The following BRIP1 variants were observed in gnomAD, a reference collection of about 807,000 sequenced individuals.
The protein encoded by BRIP1 is BRCA1 interacting DNA helicase 1.
Under a neutral mutation model 119.7 loss-of-function variants are expected in BRIP1, and 88 were observed. The ratio of observed to expected loss-of-function variants is 0.74; its 90% CI spans 0.62 to 0.88. BRIP1 has a LOEUF of 0.88. BRIP1 is among the 40% of genes least tolerant of loss of function. The pLI is 0.00. For synonymous variants in BRIP1, 443 were observed against 496.5 expected, an observed-to-expected ratio of 0.89 and a Z score of 1.43; for missense variants, 1,259 against 1,455.4, an observed-to-expected ratio of 0.87 and a Z score of 2.20.
In BRIP1 at chr17:61,822,449, G is replaced by A. The variant is rs1603352008; in HGVS notation, c.628-13692C>T. 6.6e-6 allele frequency among the ~76,000 whole-genome samples: 1 copy of A among 152,090 alleles called. No homozygotes were observed. Among genetic ancestry groups the A allele is most frequent in the East Asian group, 1.9e-4 (1 of 5,194 alleles). On this transcript the variant is annotated intron_variant, in intron 6 of 19. Transcript: ENST00000259008. This position sits in a 1 kb window ranked among gnomAD's most constrained non-coding sequence, Gnocchi z 4.4. ...TTGTCGTACTAATAGATCCAGTTAT[G>A]TGCCCTCTGGGAAAAATGCACCAAA...
intron 10 of BRIP1, among the ~76,000 whole-genome samples, chr17:61,788,528 G>A (rs888246906): frequency 2.6e-5 from 4 of 152,048 alleles, no homozygotes; most frequent in Non-Finnish European, 4.4e-5. Context: ...AATTCCAAAG[G>A]AAAATAATAA....
At position 61,783,780 on chromosome 17, in the gene BRIP1, T is replaced by C. The variant is rs961481639; in HGVS notation, c.1628+490A>G. ...TTAATGATTTCAATATTCATTAATATAAAAGACTAATTTTGGCCAGGCATG... is the reference window on the plus strand; with the variant it reads ...TTAATGATTTCAATATTCATTAATACAAAAGACTAATTTTGGCCAGGCATG... On this transcript the variant is annotated intron_variant, in intron 11 of 19. Transcript: ENST00000259008. 9.2e-5 allele frequency: 14 copies of C among 152,142 alleles called. 1 individual carries two copies. Among genetic ancestry groups the C allele is most frequent in the African/African-American group, 3.4e-4 (14 of 41,520 alleles). 9.4% of individuals were successfully genotyped at this position (152,142 alleles called of 1,614,324 possible). A position where few individuals can be genotyped will look rare whatever the true frequency, so the allele number is the denominator to read the frequency against.
rs976575700 is a variant in BRIP1, at chr17:61,730,516, AC to A, written c.2379+12496del. ...TACAAGTCCTCAGGGTGATAATTTC[AC>A]TTTTAAATCCTCCAACCTAGTTTGA... is the stretch of plus-strand genomic sequence containing the variant. On this transcript the variant is annotated intron_variant, in intron 16 of 19. Transcript: ENST00000259008. The surrounding 1 kb of genome is among the most constrained non-coding windows in gnomAD (Gnocchi z 4.3). Among the ~76,000 whole-genome samples, 1 of 152,206 alleles carries A rather than the reference AC, an allele frequency of 6.6e-6. No individual in the cohort carries two copies. Among genetic ancestry groups the A allele is most frequent in the African/African-American group, 2.4e-5 (1 of 41,450 alleles).
rs1397254402 is a variant in BRIP1, at chr17:61,722,525, C to G, written c.2380-6462G>C. On this transcript the variant is annotated intron_variant, in intron 16 of 19. Coordinates refer to ENST00000259008, the MANE Select transcript of BRIP1 (RefSeq NM_032043.3). This position sits in a 1 kb window ranked among gnomAD's most constrained non-coding sequence, Gnocchi z 4.6. Reference sequence around the variant, plus strand: ...AAAAATATATGTATTTCCTACCTATCTCTCAAAAATGTAACTAAAGCAGCT... The same window carrying G: ...AAAAATATATGTATTTCCTACCTATGTCTCAAAAATGTAACTAAAGCAGCT... 6.6e-6 allele frequency among the ~76,000 whole-genome samples: 1 copy of G among 152,182 alleles called. No individual in the cohort carries two copies. The highest frequency in any genetic ancestry group is 1.5e-5 in the Non-Finnish European group (1 of 68,026).
chr17:61,831,414 T>C lies in BRIP1; in HGVS notation c.627+15687A>G, dbSNP rs1413118447. ...AACAAGTTGCAGGTTACAGGGTAAA[T>C]ATACAAAAATGAATTCTACTTCTAT... On this transcript the variant is annotated intron_variant, in intron 6 of 19. Transcript: ENST00000259008. This position sits in a 1 kb window ranked among gnomAD's most constrained non-coding sequence, Gnocchi z 4.1. Among the ~76,000 whole-genome samples, 2 of 152,150 alleles carry C rather than the reference T, an allele frequency of 1.3e-5. No individual in the cohort carries two copies. Among genetic ancestry groups the C allele is most frequent in the South Asian group, 2.1e-4 (1 of 4,832 alleles).
intron 17 of BRIP1, among the ~76,000 whole-genome samples, chr17:61,707,375 G>C (rs532353574): frequency 1.3e-3 from 200 of 152,144 alleles, no homozygotes; most frequent in African/African-American, 4.6e-3. Context: ...GAAGTGCTTT[G>C]TAGCTTTTCC....
intron 18 of BRIP1, among the ~76,000 whole-genome samples, chr17:61,688,381 T>G (rs1209866217): frequency 1.3e-5 from 2 of 152,122 alleles, no homozygotes; most frequent in East Asian, 3.9e-4. Context: ...CTTGGGAGAC[T>G]GAGGTGGGAG....
intron 6 of BRIP1, among the ~76,000 whole-genome samples, chr17:61,821,037 A>C (rs2078314962): frequency 6.6e-6 from 1 of 152,050 alleles, no homozygotes; most frequent in Non-Finnish European, 1.5e-5. Context: ...CTGGTTACAA[A>C]ATTTTCTGGA....
chr17:61,786,790 GTATA>G (rs1442444164), intron 10 of BRIP1, among the ~76,000 whole-genome samples: 1 of 123,562 alleles, frequency 8.1e-6, no homozygotes, highest in Non-Finnish European at 1.6e-5. Flanking sequence ...ATATAATATA[GTATA>G]TATTATATAT....
intron 6 of BRIP1, among the ~76,000 whole-genome samples, chr17:61,820,134 G>A (rs1042561341): frequency 6.6e-6 from 1 of 151,752 alleles, no homozygotes; most frequent in African/African-American, 2.4e-5. Context: ...GACTATTTGG[G>A]GAAAAAAATT....
At chr17:61,819,703 A>T (rs535322415) in intron 6 of BRIP1, among the ~76,000 whole-genome samples, 1 of 152,212 alleles carries the variant, frequency 6.6e-6, no homozygotes, top group African/African-American at 2.4e-5. Context: ...GGAGAGAGAG[A>T]GTAGAAGGGT....
At chr17:61,707,131 A>C (rs1211389957) in intron 17 of BRIP1, among the ~76,000 whole-genome samples, 1 of 151,882 alleles carries the variant, frequency 6.6e-6, no homozygotes, top group Non-Finnish European at 1.5e-5. Flanking sequence ...TGAAGGCTTT[A>C]TTTTGTCTTA....
chr17:61,744,616 A>AT lies in BRIP1; in HGVS notation c.2098-26dup, dbSNP rs771278319. 6.2e-7 allele frequency: 1 copy of AT among 1,603,430 alleles called. No homozygotes were observed. The highest frequency in any genetic ancestry group is 1.3e-5 in the African/African-American group (1 of 74,640). ...ACTAAAGAGGGGAAAGAAAAAAATG[A>AT]TTTTTTGTGTGTCTAGCTAAACAAA... On this transcript the variant is annotated intron_variant, in intron 14 of 19. Coordinates refer to ENST00000259008, the MANE Select transcript of BRIP1 (RefSeq NM_032043.3). The surrounding 1 kb of genome is among the most constrained non-coding windows in gnomAD (Gnocchi z 5.0).
In BRIP1 at chr17:61,809,775, T is replaced by C. The variant is rs1048940749; in HGVS notation, c.628-1018A>G. Reference sequence around the variant, plus strand: ...TAGCATTGTAACTTAAAAGACTGTGTGCTAAAGAGTTTTAATTTAGTAGAA... The same window carrying C: ...TAGCATTGTAACTTAAAAGACTGTGCGCTAAAGAGTTTTAATTTAGTAGAA... On this transcript the variant is annotated intron_variant, in intron 6 of 19. Transcript: ENST00000259008. This position sits in a 1 kb window ranked among gnomAD's most constrained non-coding sequence, Gnocchi z 5.2. Among the ~76,000 whole-genome samples the C allele has an allele frequency of 6.6e-6, 1 of 152,158 alleles. No homozygotes were observed. Among genetic ancestry groups the C allele is most frequent in the Admixed American group, 6.6e-5 (1 of 15,262 alleles).
chr17:61,693,574 T>A lies in BRIP1; in HGVS notation c.2493-62A>T, dbSNP rs2144189347. Reference sequence around the variant, plus strand: ...ATCGGAAATAAATCCAGTTTTCCAGTGGGACAGACAGAAAATTGGAAAAAA... The same window carrying A: ...ATCGGAAATAAATCCAGTTTTCCAGAGGGACAGACAGAAAATTGGAAAAAA... On this transcript the variant is annotated intron_variant, in intron 17 of 19. Coordinates refer to ENST00000259008, the MANE Select transcript of BRIP1 (RefSeq NM_032043.3). The surrounding 1 kb of genome is among the most constrained non-coding windows in gnomAD (Gnocchi z 4.2). The A allele has an allele frequency of 7.2e-7, 1 of 1,385,166 alleles. No homozygotes were observed. Among genetic ancestry groups the A allele is most frequent in the Non-Finnish European group, 1.0e-6 (1 of 976,228 alleles). 85.8% of individuals were successfully genotyped at this position (1,385,166 alleles called of 1,614,324 possible).
In BRIP1 at chr17:61,798,969, C is replaced by A; in HGVS notation, c.1340+131G>T. ...GACTAGCCTTGTTTTTAAAGCTTAA[C>A]TGGCAAGGAACAATTCATTTCCCAA... On this transcript the variant is annotated intron_variant, in intron 9 of 19. Transcript: ENST00000259008. The surrounding 1 kb of genome is among the most constrained non-coding windows in gnomAD (Gnocchi z 5.5). The A allele has an allele frequency of 1.2e-6, 1 of 831,150 alleles. No individual in the cohort carries two copies. Among genetic ancestry groups the A allele is most frequent in the Non-Finnish European group, 2.0e-6 (1 of 503,812 alleles). 51.5% of individuals were successfully genotyped at this position (831,150 alleles called of 1,614,324 possible).
chr17:61,818,806 G>A (rs1490620114), intron 6 of BRIP1, among the ~76,000 whole-genome samples: 2 of 152,046 alleles, frequency 1.3e-5, no homozygotes, highest in African/African-American at 4.8e-5. Context: ...ATGGCAAACA[G>A]ACATATGAAA....
rs2076761396 is a variant in BRIP1, at chr17:61,725,992, TACTC to T, written c.2380-9933_2380-9930del. On this transcript the variant is annotated intron_variant, in intron 16 of 19. Coordinates refer to ENST00000259008, the MANE Select transcript of BRIP1 (RefSeq NM_032043.3). The surrounding 1 kb of genome is among the most constrained non-coding windows in gnomAD (Gnocchi z 5.3). ...AGGTAGGTTATCCATGTTAAAATATTACTCAAACAAACCTGCAAATGTTTAAATT... is the reference window on the plus strand; with the variant it reads ...AGGTAGGTTATCCATGTTAAAATATTAAACAAACCTGCAAATGTTTAAATT... Among the ~76,000 whole-genome samples, 2 of 152,300 alleles carry T rather than the reference TACTC, an allele frequency of 1.3e-5. No homozygotes were observed. Among genetic ancestry groups the T allele is most frequent in the Non-Finnish European group, 2.9e-5 (2 of 68,036 alleles).
intron 14 of BRIP1, among the ~76,000 whole-genome samples, chr17:61,747,309 A>G (rs2077071047): frequency 6.6e-6 from 1 of 152,152 alleles, no homozygotes; most frequent in South Asian, 2.1e-4. Flanking sequence ...GCAGAAGGAA[A>G]GAAATATTAA....
Sources: allele counts gnomAD v4.1 joint callset (sites outside exome capture counted in the v4.1 genomes callset), GRCh38; gene constraint gnomAD v4.1.1; non-coding constraint Gnocchi (gnomAD v3.1); transcripts MANE v1.5; gene names NCBI Gene and HGNC (gene_info 2026-07-23, HGNC 2026-07-21).